DAB1: variants seen among roughly 807,000 people sequenced by gnomAD.
DAB1 encodes DAB adaptor protein 1, also known as disabled homolog 1.
A neutral mutation model predicts 64.6 loss-of-function variants in DAB1; 15 were observed. The observed-to-expected ratio is 0.23, with a 90% CI of 0.16 to 0.36. The LOEUF (loss-of-function observed/expected upper bound fraction) is 0.36, where lower values mean the gene tolerates loss of function less well. Among genes scored for constraint, DAB1 ranks in the 10% least tolerant of loss-of-function variants. The probability of loss-of-function intolerance (pLI) is 1.00; values close to 1 mark genes in which losing one functional copy is unlikely to be tolerated. For missense variants in DAB1, 596 were observed against 706.7 expected, an observed-to-expected ratio of 0.84 and a Z score of 1.78; for synonymous variants, 235 against 251.9, an observed-to-expected ratio of 0.93 and a Z score of 0.64.
At chr1:57,108,439 C>T (rs932702321) in intron 4 of DAB1, among the ~76,000 whole-genome samples, 2 of 152,182 alleles carry the variant, frequency 1.3e-5, no homozygotes, top group Non-Finnish European at 2.9e-5. Flanking sequence ...TTACCCTGCA[C>T]GTCACTATCC....
At chr1:57,219,398 T>C (rs954373881) in intron 2 of DAB1, among the ~76,000 whole-genome samples, 2 of 152,126 alleles carry the variant, frequency 1.3e-5, no homozygotes, top group African/African-American at 2.4e-5. Flanking sequence ...TCATTTCAAA[T>C]GAGACCAGTT....
intron 6 of DAB1, among the ~76,000 whole-genome samples, chr1:57,751,293 C>T (rs1221830891): frequency 6.6e-6 from 1 of 152,038 alleles, no homozygotes; most frequent in African/African-American, 2.4e-5. Flanking sequence ...ATGACAGATG[C>T]AGACAGAGAT....
intron 4 of DAB1, among the ~76,000 whole-genome samples, chr1:57,130,867 C>A (rs768303249): frequency 2.6e-5 from 4 of 152,062 alleles, no homozygotes; most frequent in Non-Finnish European, 5.9e-5. Context: ...GGGTAAAATA[C>A]TTTGTTTATG....
chr1:57,061,719 C>T (rs1650413961), intron 9 of DAB1, among the ~76,000 whole-genome samples: 1 of 152,216 alleles, frequency 6.6e-6, no homozygotes, highest in South Asian at 2.1e-4. Context: ...CCAAACATTT[C>T]TGTGTCCTTC....
rs1270661247 is a variant in DAB1, at chr1:58,197,653, C to T, written n.310-47065G>A. Among the ~76,000 whole-genome samples, 3 of 150,532 alleles carry T rather than the reference C, an allele frequency of 2.0e-5. No homozygotes were observed. In the East Asian group the frequency reaches 5.9e-4, roughly 30 times the overall value. On this transcript the variant is annotated intron_variant and non_coding_transcript_variant, in intron 4 of 20. Transcript: ENST00000485760. The stretch of plus-strand genomic sequence containing the variant: ...TCATGATTCGCCCACCTCAGCCTCC[C>T]GAAGTTCTGGGATTACAGGCATGAG...
At chr1:57,197,355 A>AAG (rs61038923) in intron 2 of DAB1, among the ~76,000 whole-genome samples, 49,069 of 149,856 alleles carry the variant, frequency 0.33, 8,327 homozygotes, top group Middle Eastern at 0.39. Context: ...AAAAAAAAAA[A>AAG]AAAGAAAGAA....
intron 1 of DAB1, among the ~76,000 whole-genome samples, chr1:57,413,458 G>A (rs773242746): frequency 1.9e-4 from 29 of 151,986 alleles, no homozygotes; most frequent in Admixed American, 3.3e-4. Context: ...TTCATCATTC[G>A]TGGCCCAGCG....
intron 7 of DAB1, among the ~76,000 whole-genome samples, chr1:57,521,542 ATC>A (rs1644526666): frequency 1.3e-5 from 2 of 152,160 alleles, no homozygotes; most frequent in African/African-American, 4.8e-5. Context: ...CAAGAGTCAA[ATC>A]TCTGTTTTAA....
At chr1:57,324,332 A>C (rs1293847016) in intron 1 of DAB1, among the ~76,000 whole-genome samples, 1 of 152,222 alleles carries the variant, frequency 6.6e-6, no homozygotes, top group Non-Finnish European at 1.5e-5. Context: ...ATCCTAACTT[A>C]AGAAAGACCT....
chr1:58,253,071 C>A (rs919672488), intron 4 of DAB1, among the ~76,000 whole-genome samples: 1 of 152,102 alleles, frequency 6.6e-6, no homozygotes, highest in Non-Finnish European at 1.5e-5. Context: ...GTGGATGTAC[C>A]TTTGGGTTGC....
At chr1:58,313,819 A>G (rs191987035) in intron 4 of DAB1, among the ~76,000 whole-genome samples, 6,621 of 120,092 alleles carry the variant, frequency 0.055, 291 homozygotes, top group African/African-American at 0.13. Flanking sequence ...TTGTATCTTC[A>G]TGTGTGTGTG....
chr1:57,642,767 A>G (rs1278750908), intron 7 of DAB1, among the ~76,000 whole-genome samples: 1 of 152,174 alleles, frequency 6.6e-6, no homozygotes, highest in Admixed American at 6.5e-5. Flanking sequence ...TATGAACATC[A>G]GCGTGTTAAA....
chr1:58,210,401 A>C (rs1658497314), intron 4 of DAB1, among the ~76,000 whole-genome samples: 1 of 152,226 alleles, frequency 6.6e-6, no homozygotes, highest in African/African-American at 2.4e-5. Context: ...GGTGATCCTA[A>C]AGATCATGGA....
chr1:58,275,640 C>T (rs1661425783), intron 4 of DAB1, among the ~76,000 whole-genome samples: 1 of 152,082 alleles, frequency 6.6e-6, no homozygotes, highest in Non-Finnish European at 1.5e-5. Context: ...ATTTTAATGG[C>T]TGTTATTAAA....
At chr1:57,290,395 T>G (rs1019989402) in intron 2 of DAB1, among the ~76,000 whole-genome samples, 1 of 152,174 alleles carries the variant, frequency 6.6e-6, no homozygotes. Flanking sequence ...TACCCTAGAT[T>G]TACTGAATCT....
chr1:58,464,611 T>C (rs1466320502), intron 3 of DAB1, among the ~76,000 whole-genome samples: 1 of 152,228 alleles, frequency 6.6e-6, no homozygotes, highest in Non-Finnish European at 1.5e-5. Flanking sequence ...TCCTTTTCCC[T>C]CATCTATCGG....
At chr1:57,918,572 C>T (rs1384167861) in intron 5 of DAB1, among the ~76,000 whole-genome samples, 1 of 152,188 alleles carries the variant, frequency 6.6e-6, no homozygotes, top group Non-Finnish European at 1.5e-5. Context: ...CACCTGTAAT[C>T]CCAGCACTTT....
rs530607271 is a variant in DAB1, at chr1:58,323,649, C to T, written n.309+19703G>A. On this transcript the variant is annotated intron_variant and non_coding_transcript_variant, in intron 4 of 20. Coordinates refer to the DAB1 transcript ENST00000485760. ...ATGCACTCTACTAGATGTCTGAGAT[C>T]TTAAGATAATAAGACTTAGCCGCAC... Among the ~76,000 whole-genome samples the T allele has an allele frequency of 2.0e-5, 3 of 152,206 alleles. No individual in the cohort carries two copies. In the South Asian group the frequency reaches 6.2e-4, roughly 32 times the overall value.
At chr1:57,920,181 C>G (rs952628914) in intron 5 of DAB1, among the ~76,000 whole-genome samples, 6 of 152,196 alleles carry the variant, frequency 3.9e-5, no homozygotes, top group Non-Finnish European at 8.8e-5. Context: ...GTCATTTAGT[C>G]TGACCCCCAC....
Sources: gnomAD v4.1 joint callset for allele counts (sites outside exome capture counted in the v4.1 genomes callset) on GRCh38, gnomAD v4.1.1 for gene constraint, MANE v1.5 for transcripts, NCBI Gene and HGNC (gene_info 2026-07-23, HGNC 2026-07-21) for gene names.